KIAA1217: variants seen among roughly 807,000 people sequenced by gnomAD.
The protein encoded by KIAA1217 is KIAA1217, also known as sickle tail protein homolog.
A neutral mutation model predicts 163.9 loss-of-function variants in KIAA1217; 88 were observed. That is an observed-to-expected ratio of 0.54 (90% CI 0.45 to 0.64). The LOEUF (loss-of-function observed/expected upper bound fraction) is 0.64, where lower values mean the gene tolerates loss of function less well. Ranked by LOEUF, KIAA1217 falls within the 30% of genes least tolerant of loss-of-function variation. KIAA1217 has a pLI of 0.00. For synonymous variants in KIAA1217, 903 were observed against 923.1 expected (o/e 0.98, Z 0.39); for missense variants, 2,372 against 2,475.0 (o/e 0.96, Z 0.88).
intron 2 of KIAA1217, among the ~76,000 whole-genome samples, chr10:24,328,290 A>G (rs974353707): frequency 1.3e-5 from 2 of 152,148 alleles, no homozygotes; most frequent in African/African-American, 4.8e-5. Flanking sequence ...AGGGAGAGGT[A>G]AGGGAGGGGA....
intron 2 of KIAA1217, among the ~76,000 whole-genome samples, chr10:24,177,363 A>G (rs910858305): frequency 1.3e-4 from 17 of 128,826 alleles, no homozygotes; most frequent in Admixed American, 3.8e-4. Flanking sequence ...TCATATGTGT[A>G]TATATATATA....
At chr10:24,339,515 G>A (rs1019444235) in intron 2 of KIAA1217, among the ~76,000 whole-genome samples, 9 of 152,330 alleles carry the variant, frequency 5.9e-5, no homozygotes, top group African/African-American at 2.2e-4. Context: ...AGGTTCAGAA[G>A]CCAGTAAGTT....
At chr10:24,108,834 T>G (rs572930158) in intron 2 of KIAA1217, among the ~76,000 whole-genome samples, 27 of 152,330 alleles carry the variant, frequency 1.8e-4, no homozygotes, top group Admixed American at 3.3e-4. Context: ...AACTTTGTTT[T>G]GTTTTGTTTT....
At chr10:24,288,465 G>A (rs1392388909) in intron 2 of KIAA1217, among the ~76,000 whole-genome samples, 3 of 152,208 alleles carry the variant, frequency 2.0e-5, no homozygotes, top group Admixed American at 6.5e-5. Context: ...ATTTTACAGA[G>A]CGTCCACACG....
At chr10:24,272,945 A>T (rs568071255) in intron 2 of KIAA1217, among the ~76,000 whole-genome samples, 2 of 152,360 alleles carry the variant, frequency 1.3e-5, no homozygotes, top group Non-Finnish European at 2.9e-5. Context: ...TTGCACTCTG[A>T]GAATGAAGTC....
At chr10:23,969,325 G>A (rs12246324) in intron 1 of KIAA1217, among the ~76,000 whole-genome samples, 8,729 of 152,266 alleles carry the variant, frequency 0.057, 380 homozygotes, top group African/African-American at 0.12. Flanking sequence ...ATGAGCCACC[G>A]CGCCCAGTCC....
chr10:23,831,275 A>T (rs993608987), intron 1 of KIAA1217, among the ~76,000 whole-genome samples: 2 of 151,824 alleles, frequency 1.3e-5, no homozygotes, highest in Admixed American at 1.3e-4. Flanking sequence ...ATGAAACTGA[A>T]AAGCTTTTAC....
chr10:24,415,110 C>CTTT (rs71397948), intron 3 of KIAA1217, among the ~76,000 whole-genome samples: 31 of 120,230 alleles, frequency 2.6e-4, no homozygotes, highest in East Asian at 7.1e-4. Flanking sequence ...TGATCTCTCT[C>CTTT]TTTTTTTTTT....
At chr10:24,421,453 T>C (rs1439094541) in intron 3 of KIAA1217, among the ~76,000 whole-genome samples, 1 of 152,254 alleles carries the variant, frequency 6.6e-6, no homozygotes, top group Non-Finnish European at 1.5e-5. Context: ...TATTATATTG[T>C]CTATGAACAA....
chr10:23,759,963 C>A (rs1266752106), intron 1 of KIAA1217, among the ~76,000 whole-genome samples: 1 of 152,210 alleles, frequency 6.6e-6, no homozygotes, highest in East Asian at 1.9e-4. Context: ...TTTGACTTGA[C>A]ACCATATCCC....
chr10:24,352,510 T>G (rs531512956), intron 2 of KIAA1217, among the ~76,000 whole-genome samples: 49 of 152,320 alleles, frequency 3.2e-4, no homozygotes, highest in Admixed American at 5.2e-4. Context: ...AATCTTTTTT[T>G]TTGTTGTTGT....
At chr10:23,835,357 A>C (rs1042734509) in intron 1 of KIAA1217, among the ~76,000 whole-genome samples, 1 of 151,922 alleles carries the variant, frequency 6.6e-6, no homozygotes, top group Non-Finnish European at 1.5e-5. Context: ...CTTCTCAAAA[A>C]TGGAGTGATT....
chr10:23,740,725 G>C (rs1282218567), intron 1 of KIAA1217, among the ~76,000 whole-genome samples: 1 of 151,628 alleles, frequency 6.6e-6, no homozygotes, highest in Non-Finnish European at 1.5e-5. Flanking sequence ...TCTCATCCTT[G>C]TAGCCATCCT....
At chr10:24,486,020 T>C (rs1030487913) in intron 6 of KIAA1217, among the ~76,000 whole-genome samples, 4 of 152,228 alleles carry the variant, frequency 2.6e-5, no homozygotes, top group Admixed American at 2.0e-4. Flanking sequence ...TCCCCAACCC[T>C]GCGTTTGGAC....
chr10:23,867,925 C>G (rs1231339979), intron 1 of KIAA1217, among the ~76,000 whole-genome samples: 1 of 152,106 alleles, frequency 6.6e-6, no homozygotes, highest in Non-Finnish European at 1.5e-5. Flanking sequence ...AAGTCCTTGC[C>G]CACGCCTATG....
rs538240226 is a variant in KIAA1217, at chr10:24,504,095, G to A, written c.2001+2550G>A. 1.2e-3 allele frequency among the ~76,000 whole-genome samples: 176 copies of A among 152,272 alleles called. 1 individual carries two copies. Among genetic ancestry groups the A allele is most frequent in the Admixed American group, 7.5e-3 (115 of 15,292 alleles). On this transcript the variant is annotated intron_variant, in intron 9 of 20. Transcript: ENST00000376454. ...GCTGGCGTAGTTTGGTCCTCTGGCC[G>A]GCTGGGAGGGATCTCTCACACTTGT...
intron 1 of KIAA1217, among the ~76,000 whole-genome samples, chr10:23,905,610 G>A (rs1354736931): frequency 1.3e-5 from 2 of 152,030 alleles, no homozygotes; most frequent in Non-Finnish European, 2.9e-5. Flanking sequence ...AGGATGCTCT[G>A]CCACAGGCTT....
At chr10:23,995,121 G>A (rs566892148) in intron 1 of KIAA1217, among the ~76,000 whole-genome samples, 3 of 152,096 alleles carry the variant, frequency 2.0e-5, no homozygotes, top group African/African-American at 4.8e-5. Flanking sequence ...ATTCATTTTT[G>A]TTTAGCACTT....
intron 1 of KIAA1217, among the ~76,000 whole-genome samples, chr10:23,905,668 A>C (rs899259706): frequency 2.6e-5 from 4 of 152,102 alleles, no homozygotes; most frequent in Admixed American, 2.6e-4. Flanking sequence ...TTGCACCCAT[A>C]GCTAGAAAGA....
Sources: allele counts gnomAD v4.1 joint callset (sites outside exome capture counted in the v4.1 genomes callset), GRCh38; gene constraint gnomAD v4.1.1; transcripts MANE v1.5; gene names NCBI Gene and HGNC (gene_info 2026-07-23, HGNC 2026-07-21).